Variants in YAP1 observed in about 807,000 individuals in gnomAD.
YAP1 encodes the protein transcriptional coactivator YAP1.
Under a neutral mutation model 56.9 loss-of-function variants are expected in YAP1, and 5 were observed. The observed-to-expected ratio is 0.09, with a 90% CI of 0.05 to 0.18. YAP1 has a LOEUF of 0.18. Ranked by LOEUF, YAP1 falls within the 10% of genes least tolerant of loss-of-function variation. YAP1 has a pLI of 1.00. For synonymous variants in YAP1, 265 were observed against 248.1 expected, an observed-to-expected ratio of 1.07 and a Z score of -0.64; for missense variants, 539 against 651.8, an observed-to-expected ratio of 0.83 and a Z score of 1.88.
intron 2 of YAP1, among the ~76,000 whole-genome samples, chr11:102,134,287 A>C (rs563600703): frequency 6.6e-6 from 1 of 152,190 alleles, no homozygotes; most frequent in African/African-American, 2.4e-5. Flanking sequence ...TTAGTACCTT[A>C]TTATCATACT....
At chr11:102,112,139 T>G (rs867349403) in intron 1 of YAP1, among the ~76,000 whole-genome samples, 5 of 152,244 alleles carry the variant, frequency 3.3e-5, no homozygotes, top group African/African-American at 1.2e-4. Context: ...AAGCCTTTGA[T>G]AATACACTGC....
At chr11:102,170,090 C>T (rs1163222899) in intron 3 of YAP1, among the ~76,000 whole-genome samples, 1 of 152,164 alleles carries the variant, frequency 6.6e-6, no homozygotes, top group Non-Finnish European at 1.5e-5. Flanking sequence ...TTCTAATCAT[C>T]GCTCTTGACT....
intron 2 of YAP1, among the ~76,000 whole-genome samples, chr11:102,130,984 CTG>C (rs1371741998): frequency 6.6e-6 from 1 of 152,084 alleles, no homozygotes; most frequent in Non-Finnish European, 1.5e-5. Context: ...TCATTGTCCT[CTG>C]TGTTTGAGGA....
At chr11:102,112,882 C>T in intron 1 of YAP1, 1 of 627,168 alleles carries the variant, frequency 1.6e-6, no homozygotes, top group Non-Finnish European at 2.0e-6. Flanking sequence ...CATTTTGTGG[C>T]ATCAGCCACA....
At chr11:102,227,636 AC>A in intron 8 of YAP1, 55 bp downstream of exon 8, 1 of 1,181,978 alleles carries the variant, frequency 8.5e-7, no homozygotes, top group Non-Finnish European at 1.3e-6. Flanking sequence ...ATATGTTATC[AC>A]CAGGTCTCAT....
At chr11:102,177,675 C>CAAAA (rs1022433513) in intron 3 of YAP1, among the ~76,000 whole-genome samples, 1 of 54,980 alleles carries the variant, frequency 1.8e-5, no homozygotes. Flanking sequence ...GACTCGGTCT[C>CAAAA]AAAAAAAAAA....
intron 2 of YAP1, among the ~76,000 whole-genome samples, chr11:102,153,331 C>T (rs1032482571): frequency 2.0e-5 from 3 of 152,264 alleles, no homozygotes; most frequent in South Asian, 2.1e-4. Context: ...AAAGTCACTG[C>T]GCACTCTTCC....
intron 2 of YAP1, among the ~76,000 whole-genome samples, chr11:102,148,499 C>T (rs1040827312): frequency 6.6e-6 from 1 of 151,610 alleles, no homozygotes; most frequent in Non-Finnish European, 1.5e-5. Flanking sequence ...GTGTACTTAA[C>T]GTGTGCTACA....
intron 2 of YAP1, among the ~76,000 whole-genome samples, chr11:102,128,107 T>C (rs979367538): frequency 8.5e-5 from 13 of 152,146 alleles, no homozygotes; most frequent in African/African-American, 2.4e-5. Flanking sequence ...CTGTGGACTT[T>C]TGGGTTAATG....
In YAP1 at chr11:102,157,407, T is replaced by A. The variant is rs1043686372; in HGVS notation, c.573-5049T>A. On this transcript the variant is annotated intron_variant, in intron 2 of 8. Transcript: ENST00000282441. ...GCTAGTTTGGGAACAGCCTCTAGCA[T>A]GTGACTCTATAACACTTGCACAACA... Among the ~76,000 whole-genome samples the A allele has an allele frequency of 4.6e-5, 7 of 152,316 alleles. 1 individual carries two copies. In the Middle Eastern group the frequency reaches 0.01, roughly 222 times the overall value.
intron 6 of YAP1, among the ~76,000 whole-genome samples, chr11:102,214,862 A>G (rs1024963648): frequency 5.3e-5 from 8 of 152,210 alleles, no homozygotes; most frequent in African/African-American, 1.2e-4. Flanking sequence ...CCAGAAGTCT[A>G]TCAGAAAGAA....
chr11:102,123,647 T>TTTTTC (rs1565429593), intron 2 of YAP1, among the ~76,000 whole-genome samples: 1 of 125,344 alleles, frequency 8.0e-6, no homozygotes, highest in Admixed American at 8.1e-5. Flanking sequence ...TTTTTTTTTC[T>TTTTTC]TTTTTTTTTC....
rs965307672 is a variant in YAP1 at position 102,114,320 on chromosome 11, G to A, written c.498G>A (p.Glu166=). ...AGCATCTTCGACAGTCTTCTTTTGAGATACCTGATGATGTACCTCTGCCAG... is the reference window on the plus strand; with the variant it reads ...AGCATCTTCGACAGTCTTCTTTTGAAATACCTGATGATGTACCTCTGCCAG... ...TAQHLRQSSF[E]IPDDVPLPAG... The change falls in exon 2 of 9, where the codon GAG becomes GAA. Residue 166 remains glutamate, a synonymous_variant. Transcript: ENST00000282441. 7 of 1,614,152 alleles carry A rather than the reference G, an allele frequency of 4.3e-6. No individual in the cohort carries two copies. Among genetic ancestry groups the A allele is most frequent in the Middle Eastern group, 1.6e-4 (1 of 6,062 alleles).
At chr11:102,183,881 C>T (rs902975671) in intron 3 of YAP1, among the ~76,000 whole-genome samples, 1 of 151,732 alleles carries the variant, frequency 6.6e-6, no homozygotes, top group Non-Finnish European at 1.5e-5. Flanking sequence ...TCGAGACCAT[C>T]CCGGCTAAAA....
At chr11:102,220,069 A>G (rs1329834470) in intron 6 of YAP1, among the ~76,000 whole-genome samples, 1 of 151,748 alleles carries the variant, frequency 6.6e-6, no homozygotes, top group East Asian at 2.0e-4. Context: ...TGGAAAAGAA[A>G]TAGACATGGA....
intron 6 of YAP1, among the ~76,000 whole-genome samples, chr11:102,210,657 G>T (rs1367620527): frequency 6.6e-6 from 1 of 152,220 alleles, no homozygotes; most frequent in Admixed American, 6.5e-5. Context: ...ATTTGACTGT[G>T]AAGTGCAGGA....
intron 2 of YAP1, 75 bp from the exon 3 acceptor site, chr11:102,162,381 T>A (rs911012785): frequency 2.3e-6 from 3 of 1,306,232 alleles, no homozygotes; most frequent in Admixed American, 1.7e-5. Context: ...ACCCTTTGAT[T>A]ATGAGCCCAC....
intron 4 of YAP1, among the ~76,000 whole-genome samples, chr11:102,195,011 G>C (rs1044587830): frequency 6.6e-6 from 1 of 152,034 alleles, no homozygotes; most frequent in East Asian, 1.9e-4. Context: ...TCCTGCCTCA[G>C]CCTCCCAAGT....
Position 102,223,737 on chromosome 11 carries a change from A to T in YAP1, c.1148A>T (p.Asp383Val). Residue 383 changes from aspartate to valine, a missense_variant, in exon 7 of 9, where the codon GAT becomes GTT. Physicochemically the swap from Asp to Val is radical, Grantham distance 152. Transcript: ENST00000282441. ...AGAACAATGACGACCAATAGCTCAG[A>T]TCCTTTCCTTAACAGGTTGGTGAAA... ...ELRTMTTNSSDPFLNSGTYHS... is the reference protein window; with the variant it reads ...ELRTMTTNSSVPFLNSGTYHS... The T allele has an allele frequency of 6.2e-7, 1 of 1,613,988 alleles. No individual in the cohort carries two copies. Among genetic ancestry groups the T allele is most frequent in the Non-Finnish European group, 8.5e-7 (1 of 1,179,998 alleles).
Sources: allele counts gnomAD v4.1 joint callset (sites outside exome capture counted in the v4.1 genomes callset), GRCh38; gene constraint gnomAD v4.1.1; transcripts MANE v1.5; gene names NCBI Gene and HGNC (gene_info 2026-07-23, HGNC 2026-07-21).